Variants in WWOX observed in about 807,000 individuals in gnomAD.
The protein encoded by WWOX is WW domain-containing oxidoreductase.
A neutral mutation model predicts 46.2 loss-of-function variants in WWOX; 69 were observed. The ratio of observed to expected loss-of-function variants is 1.49; its 90% CI spans 1.23 to 1.82. The LOEUF is 1.82. Ranked by LOEUF, WWOX falls within the 40% of genes most tolerant of loss-of-function variation. The pLI is 0.00. For missense variants in WWOX, 919 were observed against 542.6 expected (o/e 1.69, Z -6.89); for synonymous variants, 359 against 202.6 (o/e 1.77, Z -6.56).
chr16:78,747,569 G>A (rs567508955), intron 8 of WWOX, among the ~76,000 whole-genome samples: 1 of 152,178 alleles, frequency 6.6e-6, no homozygotes, highest in African/African-American at 2.4e-5. Flanking sequence ...GGCTAAGAGA[G>A]CCTTGGCAAG....
chr16:78,391,152 A>T (rs1444064056), intron 6 of WWOX, among the ~76,000 whole-genome samples: 4 of 152,040 alleles, frequency 2.6e-5, no homozygotes, highest in African/African-American at 7.3e-5. Flanking sequence ...GATGGGGATC[A>T]GCCTCTTCCT....
At chr16:78,971,141 C>T (rs1484249533) in intron 8 of WWOX, among the ~76,000 whole-genome samples, 1 of 151,878 alleles carries the variant, frequency 6.6e-6, no homozygotes, top group Non-Finnish European at 1.5e-5. Context: ...ATGCTTTATT[C>T]CTGAGCAATC....
At chr16:78,980,395 G>T (rs2046657726) in intron 8 of WWOX, among the ~76,000 whole-genome samples, 1 of 152,000 alleles carries the variant, frequency 6.6e-6, no homozygotes, top group Non-Finnish European at 1.5e-5. Flanking sequence ...AATGGTTTTA[G>T]TTCTCTTGGC....
chr16:78,762,994 G>C (rs894322239), intron 8 of WWOX, among the ~76,000 whole-genome samples: 1 of 152,170 alleles, frequency 6.6e-6, no homozygotes, highest in Non-Finnish European at 1.5e-5. Context: ...GACCAGATGA[G>C]CAATAGATCT....
At chr16:79,127,059 A>G (rs1339409922) in intron 8 of WWOX, among the ~76,000 whole-genome samples, 1 of 152,088 alleles carries the variant, frequency 6.6e-6, no homozygotes, top group East Asian at 1.9e-4. Flanking sequence ...AAATGTACAT[A>G]TACACATAAA....
intron 8 of WWOX, among the ~76,000 whole-genome samples, chr16:78,610,202 GTTAA>G (rs1567434393): frequency 1.3e-5 from 2 of 152,084 alleles, no homozygotes; most frequent in South Asian, 2.1e-4. Flanking sequence ...TACTTTGTGC[GTTAA>G]TTCAGTTTGT....
chr16:79,071,217 C>G (rs1238121311), intron 8 of WWOX, among the ~76,000 whole-genome samples: 1 of 152,210 alleles, frequency 6.6e-6, no homozygotes, highest in African/African-American at 2.4e-5. Flanking sequence ...AGGTGAGTCT[C>G]ACATTGTACT....
chr16:78,665,566 C>T (rs888815835), intron 8 of WWOX, among the ~76,000 whole-genome samples: 8 of 152,092 alleles, frequency 5.3e-5, no homozygotes, highest in South Asian at 2.1e-4. Context: ...AATCTCCTTT[C>T]CCTCTACCAC....
chr16:78,313,484 GC>G (rs746326732), intron 5 of WWOX, among the ~76,000 whole-genome samples: 126 of 152,252 alleles, frequency 8.3e-4, no homozygotes, highest in African/African-American at 2.6e-3. Flanking sequence ...TCCTGCCTTG[GC>G]CCCTGGAGTA....
intron 8 of WWOX, among the ~76,000 whole-genome samples, chr16:78,853,911 A>T (rs529168896): frequency 2.6e-5 from 4 of 152,336 alleles, no homozygotes; most frequent in African/African-American, 9.6e-5. Flanking sequence ...GATGTAATTT[A>T]AAATACTTGT....
At chr16:79,122,997 CCTT>C (rs1206422447) in intron 8 of WWOX, among the ~76,000 whole-genome samples, 5 of 152,206 alleles carry the variant, frequency 3.3e-5, no homozygotes, top group African/African-American at 7.2e-5. Context: ...TTGCCCTTTT[CCTT>C]CTTCTCTCTT....
chr16:78,985,621 T>G (rs1296019988), intron 8 of WWOX, among the ~76,000 whole-genome samples: 1 of 152,040 alleles, frequency 6.6e-6, no homozygotes, highest in Non-Finnish European at 1.5e-5. Flanking sequence ...ATACAAAAAT[T>G]AGCTGTGCAT....
chr16:79,011,094 A>G (rs1349777711), intron 8 of WWOX, among the ~76,000 whole-genome samples: 1 of 151,736 alleles, frequency 6.6e-6, no homozygotes, highest in Non-Finnish European at 1.5e-5. Context: ...ATGTATCTTT[A>G]CATATGATAT....
chr16:78,355,526 A>C, intron 5 of WWOX: 1 of 394,098 alleles, frequency 2.5e-6, no homozygotes, highest in Non-Finnish European at 5.0e-6. Context: ...TACTTGATGA[A>C]ACATGGCAGA....
intron 4 of WWOX, among the ~76,000 whole-genome samples, chr16:78,141,973 C>A (rs1159465101): frequency 7.0e-6 from 1 of 142,684 alleles, no homozygotes; most frequent in Non-Finnish European, 1.5e-5. Context: ...CTAAATTCTT[C>A]CTTATAAAAT....
Position 78,422,661 on chromosome 16 carries a change from ATG to A in WWOX, c.606-2207_606-2206del, listed in dbSNP as rs1262154128. Among the ~76,000 whole-genome samples the A allele has an allele frequency of 1.0e-4, 6 of 58,574 alleles. 1 individual carries two copies. The highest frequency in any genetic ancestry group is 1.4e-4 in the Non-Finnish European group (5 of 35,722). The allele number at this position is 58,574 out of a possible 152,430, so 38.4% of individuals were successfully genotyped here. A position where few individuals can be genotyped will look rare whatever the true frequency, so the allele number is the denominator to read the frequency against. ...GTGCCCAGCCTCCTGTTTTTTTTAC[ATG>A]TATATATATATATATATATATACAC... is the stretch of plus-strand genomic sequence containing the variant. On this transcript the variant is annotated intron_variant, in intron 6 of 8. Coordinates refer to ENST00000566780, the MANE Select transcript of WWOX (RefSeq NM_016373.4).
chr16:78,890,333 G>C (rs2044562114), intron 8 of WWOX: 1 of 151,632 alleles, frequency 6.6e-6, no homozygotes, highest in Non-Finnish European at 1.5e-5. Flanking sequence ...TCTTAAATTT[G>C]ACCTCCATCA....
intron 6 of WWOX, among the ~76,000 whole-genome samples, chr16:78,399,114 G>C (rs1469412945): frequency 6.6e-6 from 1 of 150,532 alleles, no homozygotes; most frequent in Non-Finnish European, 1.5e-5. Flanking sequence ...GGATGCAAGA[G>C]GTAAGTACAA....
At chr16:79,055,798 C>G (rs949062215) in intron 8 of WWOX, among the ~76,000 whole-genome samples, 3 of 152,156 alleles carry the variant, frequency 2.0e-5, no homozygotes, top group Non-Finnish European at 2.9e-5. Flanking sequence ...CAAACAGTTT[C>G]TTCTTTCCTA....
Sources: gnomAD v4.1 joint callset for allele counts (sites outside exome capture counted in the v4.1 genomes callset) on GRCh38, gnomAD v4.1.1 for gene constraint, MANE v1.5 for transcripts, NCBI Gene and HGNC (gene_info 2026-07-23, HGNC 2026-07-21) for gene names.